The following ANO6 variants were observed in gnomAD, a reference collection of about 807,000 sequenced individuals.
The protein encoded by ANO6 is anoctamin 6.
A neutral mutation model predicts 117.5 loss-of-function variants in ANO6; 106 were observed. The observed-to-expected ratio is 0.90, with a 90% CI of 0.77 to 1.06. ANO6 has a LOEUF of 1.06. ANO6 is among the 50% of genes least tolerant of loss of function. The pLI, the probability that ANO6 is intolerant of heterozygous loss-of-function variation, is 0.00. For synonymous variants in ANO6, 367 were observed against 385.1 expected, an observed-to-expected ratio of 0.95 and a Z score of 0.55; for missense variants, 955 against 1,121.1, an observed-to-expected ratio of 0.85 and a Z score of 2.12.
chr12:45,247,346 T>A lies in ANO6; in HGVS notation c.70+30955T>A, dbSNP rs576176376. Among the ~76,000 whole-genome samples, 179 of 152,362 alleles carry A rather than the reference T, an allele frequency of 1.2e-3. 1 individual carries two copies. Among genetic ancestry groups the A allele is most frequent in the African/African-American group, 3.5e-3 (147 of 41,580 alleles). On this transcript the variant is annotated intron_variant, in intron 1 of 19. Coordinates refer to ENST00000320560, the MANE Select transcript of ANO6 (RefSeq NM_001025356.3). Reference sequence around the variant, plus strand: ...ATATATTAAGTGCCAGGCATAATTATAAATACGTGTATTGACACATTTAAT... The same window carrying A: ...ATATATTAAGTGCCAGGCATAATTAAAAATACGTGTATTGACACATTTAAT...
rs780013247 is a variant in ANO6, at chr12:45,390,518, G to T, written c.1386+20G>T. ...TTCTGGGTAATTCTATCACAAAAAT[G>T]TTTTGAATGATTAAAAATGTTTTTA... On this transcript the variant is annotated intron_variant, in intron 12 of 19. Coordinates refer to ENST00000320560, the MANE Select transcript of ANO6 (RefSeq NM_001025356.3). The T allele has an allele frequency of 6.3e-7, 1 of 1,599,196 alleles. No homozygotes were observed. Among genetic ancestry groups the T allele is most frequent in the East Asian group, 2.2e-5 (1 of 44,774 alleles).
At chr12:45,302,237 G>A in intron 2 of ANO6, 144 bp downstream of exon 2, 1 of 750,922 alleles carries the variant, frequency 1.3e-6, no homozygotes. Flanking sequence ...TGCGTTCAGA[G>A]CTCTGGTGTC....
intron 7 of ANO6, among the ~76,000 whole-genome samples, 197 bp downstream of exon 7, chr12:45,350,971 C>A (rs1373683009): frequency 2.0e-5 from 3 of 152,210 alleles, no homozygotes; most frequent in Non-Finnish European, 4.4e-5. Context: ...TCTCCAGTAT[C>A]ATCCTCCCCC....
intron 12 of ANO6, among the ~76,000 whole-genome samples, chr12:45,397,849 G>T (rs1380660194): frequency 1.3e-5 from 2 of 152,138 alleles, no homozygotes; most frequent in African/African-American, 4.8e-5. Context: ...GGGGGGCTAG[G>T]GGAAGCATAG....
At chr12:45,410,040 G>A (rs1165061109) in intron 16 of ANO6, among the ~76,000 whole-genome samples, 1 of 152,202 alleles carries the variant, frequency 6.6e-6, no homozygotes, top group Non-Finnish European at 1.5e-5. Context: ...ACACGCATAA[G>A]CCACTGGGCC....
chr12:45,274,370 TG>T (rs1938482116), intron 1 of ANO6, among the ~76,000 whole-genome samples: 1 of 152,194 alleles, frequency 6.6e-6, no homozygotes. Context: ...CTTCCTCCAT[TG>T]TTTTAACCTA....
chr12:45,428,657 G>A (rs975638612), intron 19 of ANO6, among the ~76,000 whole-genome samples: 3 of 152,066 alleles, frequency 2.0e-5, no homozygotes, highest in Admixed American at 2.0e-4. Flanking sequence ...TATTTTGGGG[G>A]TATATATACA....
At position 45,401,810 on chromosome 12, in the gene ANO6, G is replaced by A. The variant is rs551219497; in HGVS notation, c.1402G>A (p.Ala468Thr). 9.9e-6 allele frequency: 16 copies of A among 1,612,872 alleles called. No homozygotes were observed. The highest frequency in any genetic ancestry group is 1.3e-5 in the Non-Finnish European group (15 of 1,179,756). ...AVFFWILLIIASVIGIIVYRL... is the reference protein window; with the variant it reads ...AVFFWILLIITSVIGIIVYRL... ...GTGCTTTCAGATCCTATTGATCATC[G>A]CTTCAGTTATTGGGATCATTGTCTA... The change falls in exon 13 of 20, where the codon GCT becomes ACT. Residue 468 changes from alanine (A) to threonine (T), a missense_variant. Coordinates refer to ENST00000320560, the MANE Select transcript of ANO6 (RefSeq NM_001025356.3).
In ANO6 at chr12:45,339,575, G is replaced by A. The variant is rs77077080; in HGVS notation, c.280-7447G>A. Among the ~76,000 whole-genome samples the A allele has an allele frequency of 1.1e-3, 172 of 152,134 alleles. 1 individual carries two copies. Among genetic ancestry groups the A allele is most frequent in the Non-Finnish European group, 2.1e-3 (141 of 67,980 alleles). On this transcript the variant is annotated intron_variant, in intron 3 of 19. Coordinates refer to ENST00000320560, the MANE Select transcript of ANO6 (RefSeq NM_001025356.3). ...CCTATGTTTATCATTTAAAATGCTC[G>A]TCTGTTTTTTGTCCCCTAGTGAACA...
At chr12:45,315,059 T>C (rs79769086) in intron 2 of ANO6, among the ~76,000 whole-genome samples, 3 of 152,018 alleles carry the variant, frequency 2.0e-5, no homozygotes, top group African/African-American at 7.2e-5. Context: ...CTAAAGAGTT[T>C]GGGCTTTTGA....
chr12:45,243,906 A>G (rs1039067800), intron 1 of ANO6, among the ~76,000 whole-genome samples: 7 of 152,234 alleles, frequency 4.6e-5, no homozygotes, highest in African/African-American at 1.7e-4. Flanking sequence ...CAGGCATAGT[A>G]TAGATTGCCT....
intron 1 of ANO6, among the ~76,000 whole-genome samples, chr12:45,219,968 TAC>T (rs1947371866): frequency 6.6e-6 from 1 of 152,214 alleles, no homozygotes; most frequent in Non-Finnish European, 1.5e-5. Flanking sequence ...GGTTGTGTGC[TAC>T]CCTGCCAAGT....
chr12:45,357,745 A>G (rs1941451141), intron 8 of ANO6, among the ~76,000 whole-genome samples: 1 of 152,134 alleles, frequency 6.6e-6, no homozygotes, highest in Admixed American at 6.5e-5. Flanking sequence ...AGGAATGTAC[A>G]CTCAGCCCTG....
rs551477235 is a variant in ANO6, at chr12:45,281,920, G to A, written c.71-20094G>A. 4.6e-5 allele frequency among the ~76,000 whole-genome samples: 7 copies of A among 152,276 alleles called. No individual in the cohort carries two copies. In the East Asian group the frequency reaches 7.7e-4, roughly 17 times the overall value. ...GGATGAAAGTTGCTGGCAGGTGGGCGGGCGGTCAGGAGGTTGGTGCAATAG... is the reference window on the plus strand; with the variant it reads ...GGATGAAAGTTGCTGGCAGGTGGGCAGGCGGTCAGGAGGTTGGTGCAATAG... On this transcript the variant is annotated intron_variant, in intron 1 of 19. Transcript: ENST00000320560.
intron 1 of ANO6, among the ~76,000 whole-genome samples, chr12:45,281,120 A>G (rs1217773302): frequency 6.6e-6 from 1 of 152,152 alleles, no homozygotes; most frequent in Non-Finnish European, 1.5e-5. Context: ...CTTATAAAAC[A>G]AGGCACAAAA....
intron 1 of ANO6, among the ~76,000 whole-genome samples, chr12:45,296,946 A>AT (rs774234295): frequency 6.6e-5 from 10 of 151,556 alleles, no homozygotes; most frequent in Non-Finnish European, 1.0e-4. Context: ...ATAGTGCTTT[A>AT]TTTTTTTTTA....
intron 1 of ANO6, among the ~76,000 whole-genome samples, chr12:45,269,505 A>C (rs1289200887): frequency 1.3e-5 from 2 of 152,202 alleles, no homozygotes; most frequent in Admixed American, 1.3e-4. Context: ...CAGGAAAAAC[A>C]TAATTTAGCA....
At position 45,390,452 on chromosome 12, in the gene ANO6, G is replaced by A. The variant is rs963117566; in HGVS notation, c.1340G>A (p.Gly447Glu). The change falls in exon 12 of 20, where the codon GGA becomes GAA. Residue 447 changes from glycine (G) to glutamate (E), a missense_variant. Gly to Glu is a moderately conservative substitution (Grantham distance 98, BLOSUM62 -2). Coordinates refer to ENST00000320560, the MANE Select transcript of ANO6 (RefSeq NM_001025356.3). ...GAACGCATTCCCTTTACTGCCTGGG[G>A]AAAATGTATACGGATAACCCTCTGT... Reference protein sequence around the residue: ...EEERIPFTAWGKCIRITLCAS... With the variant: ...EEERIPFTAWEKCIRITLCAS... 1.2e-5 allele frequency: 19 copies of A among 1,613,844 alleles called. No individual in the cohort carries two copies. The highest frequency in any genetic ancestry group is 1.4e-5 in the Non-Finnish European group (17 of 1,179,956).
chr12:45,259,407 G>A (rs1937946051), intron 1 of ANO6, among the ~76,000 whole-genome samples: 1 of 152,192 alleles, frequency 6.6e-6, no homozygotes, highest in Admixed American at 6.5e-5. Flanking sequence ...AGGATTTCAT[G>A]AACTATAAAA....
Sources: gnomAD v4.1 joint callset for allele counts (sites outside exome capture counted in the v4.1 genomes callset) on GRCh38, gnomAD v4.1.1 for gene constraint, MANE v1.5 for transcripts, NCBI Gene and HGNC (gene_info 2026-07-23, HGNC 2026-07-21) for gene names.